Variants in PIK3CD observed in about 807,000 individuals in gnomAD.
PIK3CD encodes the protein phosphatidylinositol 4,5-bisphosphate 3-kinase catalytic subunit delta isoform.
Under a neutral mutation model 122.9 loss-of-function variants are expected in PIK3CD, and 20 were observed. The ratio of observed to expected loss-of-function variants is 0.16; its 90% CI spans 0.11 to 0.24. The LOEUF is 0.24. PIK3CD is among the 10% of genes least tolerant of loss of function. The pLI, the probability that PIK3CD is intolerant of heterozygous loss-of-function variation, is 1.00. For missense variants in PIK3CD, 787 were observed against 1,406.3 expected, an observed-to-expected ratio of 0.56 and a Z score of 7.04; for synonymous variants, 596 against 593.4, an observed-to-expected ratio of 1.00 and a Z score of -0.06.
Position 9,727,367 on chromosome 1 carries a change from AC to A in PIK3CD, c.*323del. ...CAAAGACTGTTCTCCTCCCGAGGGA[AC>A]CTTCTTCCCAGGCCTCCCGCCAGAC... On this transcript the variant is annotated 3_prime_UTR_variant, in exon 24 of 24. Coordinates refer to ENST00000377346, the MANE Select transcript of PIK3CD (RefSeq NM_005026.5). The A allele has an allele frequency of 2.2e-6, 1 of 449,166 alleles. No individual in the cohort carries two copies. Among genetic ancestry groups the A allele is most frequent in the South Asian group, 2.1e-5 (1 of 46,926 alleles). The allele number at this position is 449,166 out of a possible 1,614,324, so 27.8% of individuals were successfully genotyped here. A position where few individuals can be genotyped will look rare whatever the true frequency, so the allele number is the denominator to read the frequency against.
chr1:9,704,590 G>A lies in PIK3CD; in HGVS notation c.-32-5834G>A, dbSNP rs1390633748. ...TGCAGTGGCACAATCTCAGCTAACT[G>A]CAACCTCCACTTCCCTGGCTCAAGC... On this transcript the variant is annotated intron_variant, in intron 2 of 23. Transcript: ENST00000377346. The surrounding 1 kb of genome is among the most constrained non-coding windows in gnomAD (Gnocchi z 5.0). Among the ~76,000 whole-genome samples the A allele has an allele frequency of 6.6e-6, 1 of 152,180 alleles. No individual in the cohort carries two copies. The highest frequency in any genetic ancestry group is 1.5e-5 in the Non-Finnish European group (1 of 68,036).
chr1:9,630,258 C>G, the PIK3CD span, among the ~76,000 whole-genome samples: 1 of 152,262 alleles, frequency 6.6e-6, no homozygotes, highest in Admixed American at 6.5e-5. Flanking sequence ...CGGAGGCCGT[C>G]AGGCCTTGGA....
chr1:9,707,668 T>C (rs937344985), intron 2 of PIK3CD, among the ~76,000 whole-genome samples: 22 of 152,130 alleles, frequency 1.4e-4, no homozygotes, highest in Non-Finnish European at 7.4e-5. Context: ...GCTCCATCCA[T>C]GTTCTTGCAA....
intron 1 of PIK3CD, chr1:9,654,036 G>A (rs374421398): frequency 3.2e-6 from 4 of 1,255,844 alleles, no homozygotes; most frequent in Non-Finnish European, 4.2e-6. Context: ...GTGCCACTGC[G>A]CTCCAGCCTG....
At position 9,717,541 on chromosome 1, in the gene PIK3CD, C is replaced by G. The variant is rs61755420; in HGVS notation, c.935C>G (p.Ser312Cys). The G allele has an allele frequency of 0.026, 42,346 of 1,613,884 alleles. 660 individuals carry two copies. The highest frequency in any genetic ancestry group is 0.03 in the Non-Finnish European group (35,966 of 1,179,842). ...CCCTGCTTCCCCGGCCCCCAGCCTT[C>G]CTCTGTGTCCCTGTGGTCCCTGGAG... is the stretch of plus-strand genomic sequence containing the variant. ...KPPPIPAKKPSSVSLWSLEQP... is the reference protein window; with the variant it reads ...KPPPIPAKKPCSVSLWSLEQP... Residue 312 changes from serine to cysteine, a missense_variant, in exon 8 of 24, where the codon TCC becomes TGC. By Grantham distance (112) the Ser-to-Cys change is moderately radical. This residue lies in a region of PIK3CD where 592 missense variants were observed against 920.6 expected (regional missense o/e 0.64). Transcript: ENST00000377346. This position sits in a 1 kb window ranked among gnomAD's most constrained non-coding sequence, Gnocchi z 5.4.
upstream of PIK3CD, among the ~76,000 whole-genome samples, chr1:9,650,454 A>C (rs1474076082): frequency 1.3e-5 from 2 of 151,660 alleles, no homozygotes; most frequent in African/African-American, 2.4e-5. Flanking sequence ...ACAACAAAAA[A>C]CAAACAAAAA....
intron 1 of PIK3CD, among the ~76,000 whole-genome samples, chr1:9,687,051 T>C (rs1256520993): frequency 6.6e-6 from 1 of 152,192 alleles, no homozygotes; most frequent in Non-Finnish European, 1.5e-5. Context: ...GAATCTTGGA[T>C]TTTTCTCTGG....
rs1648773256 is a variant in PIK3CD at position 9,722,118 on chromosome 1, C to T, written c.2199C>T (p.Ser733=). 6.2e-7 allele frequency: 1 copy of T among 1,613,262 alleles called. No homozygotes were observed. The highest frequency in any genetic ancestry group is 1.1e-5 in the South Asian group (1 of 91,086). ...AYLEALSHLQ[S]PLDPSTLLAE... The stretch of plus-strand genomic sequence containing the variant: ...TAGAGGCCCTCTCCCACCTGCAGTC[C>T]CCACTCGACCCCAGCACCCTGCTGG... The change falls in exon 17 of 24, where the codon TCC becomes TCT. Residue 733 remains serine, a synonymous_variant. Coordinates refer to ENST00000377346, the MANE Select transcript of PIK3CD (RefSeq NM_005026.5). This position sits in a 1 kb window ranked among gnomAD's most constrained non-coding sequence, Gnocchi z 7.6.
In PIK3CD at chr1:9,678,067, C is replaced by T. The variant is rs146582679; in HGVS notation, c.-137-13400C>T. Among the ~76,000 whole-genome samples the T allele has an allele frequency of 3.1e-3, 473 of 151,878 alleles. 3 individuals carry two copies. The highest frequency in any genetic ancestry group is 0.011 in the African/African-American group (461 of 41,444). On this transcript the variant is annotated intron_variant, in intron 1 of 23. Transcript: ENST00000377346. Reference sequence around the variant, plus strand: ...GCTGAGGCAGGAGAATCACTTGAGCCCGGGAGGCGGAGGTTGCAGTGAGCC... The same window carrying T: ...GCTGAGGCAGGAGAATCACTTGAGCTCGGGAGGCGGAGGTTGCAGTGAGCC...
intron 2 of PIK3CD, among the ~76,000 whole-genome samples, chr1:9,703,465 C>T (rs531146633): frequency 1.3e-5 from 2 of 152,236 alleles, no homozygotes; most frequent in East Asian, 1.9e-4. Flanking sequence ...CCAACAAAAA[C>T]GTAAAGTTAC....
chr1:9,701,564 G>A (rs1326254994), intron 2 of PIK3CD, among the ~76,000 whole-genome samples: 3 of 151,536 alleles, frequency 2.0e-5, no homozygotes, highest in South Asian at 4.2e-4. Flanking sequence ...TTCCACTTAC[G>A]AGGCTGAGGC....
chr1:9,707,565 C>T (rs373074082), intron 2 of PIK3CD, among the ~76,000 whole-genome samples: 65 of 151,986 alleles, frequency 4.3e-4, no homozygotes, highest in African/African-American at 1.5e-3. Flanking sequence ...TCTGTGTGTC[C>T]ATGTGTTCTT....
chr1:9,663,943 A>G (rs1645082276), intron 1 of PIK3CD, among the ~76,000 whole-genome samples: 1 of 151,838 alleles, frequency 6.6e-6, no homozygotes, highest in Non-Finnish European at 1.5e-5. Flanking sequence ...ATAGTATTCC[A>G]TGGTGTATAT....
In PIK3CD at chr1:9,682,685, G is replaced by GATA. The variant is rs201586645; in HGVS notation, c.-137-8780_-137-8779insAAT. Among the ~76,000 whole-genome samples, 56 of 151,962 alleles carry GATA rather than the reference G, an allele frequency of 3.7e-4. No individual in the cohort carries two copies. In the East Asian group the frequency reaches 5.8e-3, roughly 16 times the overall value. On this transcript the variant is annotated intron_variant, in intron 1 of 23. Coordinates refer to ENST00000377346, the MANE Select transcript of PIK3CD (RefSeq NM_005026.5). ...CTGCCTCAGCTTCCCGAGTAGCTGG[G>GATA]ATTACAGGTGCACACCACCACAGGT...
chr1:9,718,884 C>T lies in PIK3CD; in HGVS notation c.1211C>T (p.Ala404Val). 6.2e-7 allele frequency: 1 copy of T among 1,613,118 alleles called. No individual in the cohort carries two copies. The highest frequency in any genetic ancestry group is 8.5e-7 in the Non-Finnish European group (1 of 1,180,010). Residue 404 changes from alanine to valine, a missense_variant, in exon 9 of 24, where the codon GCT (alanine) becomes GTT (valine). Physicochemically the swap from Ala to Val is moderately conservative, Grantham distance 64 (BLOSUM62 0). Coordinates refer to ENST00000377346, the MANE Select transcript of PIK3CD (RefSeq NM_005026.5). The surrounding 1 kb of genome is among the most constrained non-coding windows in gnomAD (Gnocchi z 7.2). ...GCCGTGATCGAGAAAGCCAAGAAGG[C>T]TCGCTCCACCAAGAAGAAGTCCAAG... is the stretch of plus-strand genomic sequence containing the variant. ...LYAVIEKAKKARSTKKKSKKA... is the reference protein window; with the variant it reads ...LYAVIEKAKKVRSTKKKSKKA...
At position 9,723,333 on chromosome 1, in the gene PIK3CD, A is replaced by AGAG; in HGVS notation, c.2594+43_2594+45dup. 1 of 1,604,086 alleles carries AGAG rather than the reference A, an allele frequency of 6.2e-7. No homozygotes were observed. Among genetic ancestry groups the AGAG allele is most frequent in the East Asian group, 2.2e-5 (1 of 44,846 alleles). ...AGGGATAGGTTCCCTCTCCTTTCCA[A>AGAG]GAGGTGTGGAGTGGGAGGGCCTCGC... is the stretch of plus-strand genomic sequence containing the variant. On this transcript the variant is annotated intron_variant, in intron 20 of 23. Coordinates refer to ENST00000377346, the MANE Select transcript of PIK3CD (RefSeq NM_005026.5). This position sits in a 1 kb window ranked among gnomAD's most constrained non-coding sequence, Gnocchi z 4.9.
intron 2 of PIK3CD, among the ~76,000 whole-genome samples, chr1:9,709,685 CA>C (rs1323107503): frequency 6.6e-6 from 1 of 151,344 alleles, no homozygotes; most frequent in East Asian, 2.0e-4. Context: ...GCTGGGGCAA[CA>C]GAGTGAGACC....
In PIK3CD at chr1:9,717,063, GGTCCAGAAACCGCGT is replaced by G; in HGVS notation, c.887_901del (p.Val296_Arg300del). On this transcript the variant is annotated inframe_deletion, in exon 7 of 24. Coordinates refer to ENST00000377346, the MANE Select transcript of PIK3CD (RefSeq NM_005026.5). The surrounding 1 kb of genome is among the most constrained non-coding windows in gnomAD (Gnocchi z 5.4). ...ATGAGCAGAGCAACCCTGCCCCCCA[GGTCCAGAAACCGCGT>G]GCCAAACCACCTCCCATTCCTGCGA... 6.2e-7 allele frequency: 1 copy of G among 1,613,982 alleles called. No individual in the cohort carries two copies. Among genetic ancestry groups the G allele is most frequent in the Non-Finnish European group, 8.5e-7 (1 of 1,180,030 alleles).
At chr1:9,664,703 A>C (rs1645108122) in intron 1 of PIK3CD, among the ~76,000 whole-genome samples, 1 of 152,198 alleles carries the variant, frequency 6.6e-6, no homozygotes, top group East Asian at 1.9e-4. Flanking sequence ...TACAGAATCC[A>C]GCTGCTCATC....
Sources: allele counts gnomAD v4.1 joint callset (sites outside exome capture counted in the v4.1 genomes callset), GRCh38; gene constraint gnomAD v4.1.1; regional missense constraint gnomAD v4.1.1; non-coding constraint Gnocchi (gnomAD v3.1); transcripts MANE v1.5; gene names NCBI Gene and HGNC (gene_info 2026-07-23, HGNC 2026-07-21).